SLAMF1: variants seen among roughly 807,000 people sequenced by gnomAD.
The protein encoded by SLAMF1 is signaling lymphocytic activation molecule.
A neutral mutation model predicts 35.1 loss-of-function variants in SLAMF1; 18 were observed. That is an observed-to-expected ratio of 0.51 (90% CI 0.35 to 0.76). The LOEUF (loss-of-function observed/expected upper bound fraction) is 0.76. Ranked by LOEUF, SLAMF1 falls within the 30% of genes least tolerant of loss-of-function variation. The pLI is 0.01. For synonymous variants in SLAMF1, 168 were observed against 157.2 expected, an observed-to-expected ratio of 1.07 and a Z score of -0.51; for missense variants, 392 against 413.0, an observed-to-expected ratio of 0.95 and a Z score of 0.44.
rs749358521 is a variant in SLAMF1 at position 160,637,170 on chromosome 1, TG to T, written c.415+20del. On this transcript the variant is annotated intron_variant, in intron 2 of 6. Coordinates refer to ENST00000302035, the MANE Select transcript of SLAMF1 (RefSeq NM_003037.5). ...AGCACCTTGGCCCTTTAGTGTGGAC[TG>T]GGGAAGCCGCCATTATTACCATAAA... 4 of 1,587,320 alleles carry T rather than the reference TG, an allele frequency of 2.5e-6. No homozygotes were observed. The East Asian group carries it at 8.9e-5, about 35-fold the overall frequency.
At chr1:160,640,540 G>A (rs1342374583) in intron 1 of SLAMF1, among the ~76,000 whole-genome samples, 1 of 151,910 alleles carries the variant, frequency 6.6e-6, no homozygotes, top group Non-Finnish European at 1.5e-5. Flanking sequence ...AGAACCATCA[G>A]CTTAAGTAAT....
In SLAMF1 at chr1:160,610,083, G is replaced by A; in HGVS notation, c.*665C>T. ...GCTCTTACATGGTTTCCAGTCCACT[G>A]TTCAAAACTCAGAGATCTCAAAATC... On this transcript the variant is annotated 3_prime_UTR_variant, in exon 7 of 7. Transcript: ENST00000302035. 3.0e-6 allele frequency: 1 copy of A among 334,972 alleles called. No homozygotes were observed. The highest frequency in any genetic ancestry group is 5.8e-6 in the Non-Finnish European group (1 of 171,106). The allele number at this position is 334,972 out of a possible 1,614,324, so 20.7% of individuals were successfully genotyped here.
chr1:160,626,658 C>T (rs891870536), intron 3 of SLAMF1, among the ~76,000 whole-genome samples: 2 of 152,110 alleles, frequency 1.3e-5, no homozygotes, highest in Admixed American at 6.6e-5. Flanking sequence ...AGTGGCAGAG[C>T]TGGATAAGAT....
At position 160,616,601 on chromosome 1, in the gene SLAMF1, G is replaced by T. The variant is rs540009912; in HGVS notation, c.864+3175C>A. Among the ~76,000 whole-genome samples, 6 of 152,328 alleles carry T rather than the reference G, an allele frequency of 3.9e-5. No homozygotes were observed. In the South Asian group the frequency reaches 1.2e-3, roughly 32 times the overall value. On this transcript the variant is annotated intron_variant, in intron 5 of 6. Transcript: ENST00000302035. ...AAGCTACAGATGGGTGAAGGTATTT[G>T]CTAACATATCTGCCAAAGGGCACAT...
At chr1:160,634,207 GGTA>G (rs1660307447) in intron 3 of SLAMF1, 1 of 152,796 alleles carries the variant, frequency 6.5e-6, no homozygotes, top group South Asian at 2.1e-4. Flanking sequence ...TTTCTTACCA[GGTA>G]GGTGATCAGT....
Position 160,637,273 on chromosome 1 carries a change from C to T in SLAMF1, c.333G>A (p.Arg111=). 1.2e-6 allele frequency: 2 copies of T among 1,614,100 alleles called. No homozygotes were observed. Among genetic ancestry groups the T allele is most frequent in the Non-Finnish European group, 8.5e-7 (1 of 1,180,004 alleles). ...TAAGGTACCATCCCTCATCCTCCTT[C>T]CTGCTTTCCCGTATCCCCAGGGTGA... The part of the protein sequence containing the change: ...ENLTLGIRES[R]KEDEGWYLMT... Residue 111 remains arginine (R), a synonymous_variant, in exon 2 of 7, where the codon AGG becomes AGA. Coordinates refer to ENST00000302035, the MANE Select transcript of SLAMF1 (RefSeq NM_003037.5).
intron 5 of SLAMF1, among the ~76,000 whole-genome samples, chr1:160,617,998 A>G (rs533330160): frequency 7.1e-4 from 108 of 152,250 alleles, no homozygotes; most frequent in African/African-American, 2.5e-3. Context: ...ACTTGAACCC[A>G]GGAGGCGGAG....
intron 3 of SLAMF1, among the ~76,000 whole-genome samples, chr1:160,632,351 G>A (rs1660207621): frequency 6.6e-6 from 1 of 152,010 alleles, no homozygotes; most frequent in Non-Finnish European, 1.5e-5. Context: ...CTTACAAACC[G>A]AGCCGAGATC....
Position 160,610,234 on chromosome 1 carries a change from T to C in SLAMF1, c.*514A>G, listed in dbSNP as rs1416026823. 4.4e-6 allele frequency: 2 copies of C among 454,380 alleles called. No individual in the cohort carries two copies. Among genetic ancestry groups the C allele is most frequent in the Non-Finnish European group, 8.8e-6 (2 of 226,166 alleles). 28.1% of individuals were successfully genotyped at this position (454,380 alleles called of 1,614,324 possible). A position where few individuals can be genotyped will look rare whatever the true frequency, so the allele number is the denominator to read the frequency against. ...AAGAAATTCACCCTTCAGCCTCTAT[T>C]CACTCTTTATCCTGAGAGAGAAACT... On this transcript the variant is annotated 3_prime_UTR_variant, in exon 7 of 7. Transcript: ENST00000302035.
intron 3 of SLAMF1, among the ~76,000 whole-genome samples, chr1:160,624,548 T>C (rs1300182582): frequency 6.6e-6 from 1 of 152,244 alleles, no homozygotes; most frequent in Admixed American, 6.5e-5. Flanking sequence ...TGTATCCATT[T>C]TGGGTAAAGA....
At chr1:160,612,280 G>T (rs575677353) in intron 6 of SLAMF1, among the ~76,000 whole-genome samples, 1 of 150,372 alleles carries the variant, frequency 6.7e-6, no homozygotes, top group Non-Finnish European at 1.5e-5. Context: ...AAGTTCAGGC[G>T]TACATGTGCT....
At chr1:160,635,351 G>A (rs370533341) in intron 2 of SLAMF1, among the ~76,000 whole-genome samples, 121 of 151,990 alleles carry the variant, frequency 8.0e-4, no homozygotes, top group Non-Finnish European at 1.3e-3. Context: ...GTGTGCGTGC[G>A]CGCGCGCGCA....
rs940334152 is a variant in SLAMF1, at chr1:160,642,622, T to C, written c.76+4248A>G. Among the ~76,000 whole-genome samples, 2 of 152,172 alleles carry C rather than the reference T, an allele frequency of 1.3e-5. No homozygotes were observed. The highest frequency in any genetic ancestry group is 4.8e-5 in the African/African-American group (2 of 41,430). ...AGTGAATTAATAAAACAGAATGGGATGAATGAAAAATGAGCAAATGACAAC... is the reference window on the plus strand; with the variant it reads ...AGTGAATTAATAAAACAGAATGGGACGAATGAAAAATGAGCAAATGACAAC... On this transcript the variant is annotated intron_variant, in intron 1 of 6. Transcript: ENST00000302035. This position sits in a 1 kb window ranked among gnomAD's most constrained non-coding sequence, Gnocchi z 4.2.
At chr1:160,641,214 G>A (rs1291953997) in intron 1 of SLAMF1, among the ~76,000 whole-genome samples, 1 of 152,122 alleles carries the variant, frequency 6.6e-6, no homozygotes, top group Non-Finnish European at 1.5e-5. Flanking sequence ...AAAGGGATCT[G>A]AGATTCAAAA....
chr1:160,634,376 G>A (rs1571000088), intron 3 of SLAMF1: 1 of 983,826 alleles, frequency 1.0e-6, no homozygotes, highest in African/African-American at 1.7e-5. Context: ...TTAGGCTCTG[G>A]GTCTGTCTCT....
chr1:160,610,538 C>G lies in SLAMF1; in HGVS notation c.*210G>C. 1.7e-6 allele frequency: 1 copy of G among 587,656 alleles called. No homozygotes were observed. Among genetic ancestry groups the G allele is most frequent in the Non-Finnish European group, 3.1e-6 (1 of 323,444 alleles). 36.4% of individuals were successfully genotyped at this position (587,656 alleles called of 1,614,324 possible). ...TAACGCTCTGTTCTGCGCCTGCAGC[C>G]ACTGCACAGCAAGCTAAATTCTTGG... is the stretch of plus-strand genomic sequence containing the variant. On this transcript the variant is annotated 3_prime_UTR_variant, in exon 7 of 7. Transcript: ENST00000302035.
intron 2 of SLAMF1, among the ~76,000 whole-genome samples, chr1:160,636,443 G>A (rs2102343776): frequency 6.6e-6 from 1 of 152,344 alleles, no homozygotes; most frequent in East Asian, 1.9e-4. Flanking sequence ...AAAGCCCCAT[G>A]TGGCTATCAG....
intron 5 of SLAMF1, chr1:160,615,782 GA>G: frequency 3.4e-6 from 1 of 295,880 alleles, no homozygotes; most frequent in Non-Finnish European, 6.9e-6. Context: ...ATAAGAGATG[GA>G]AAAGAAGAAG....
intron 1 of SLAMF1, among the ~76,000 whole-genome samples, chr1:160,645,550 T>C (rs1234420035): frequency 1.3e-5 from 2 of 152,106 alleles, no homozygotes; most frequent in African/African-American, 2.4e-5. Context: ...GATGGAAAAG[T>C]CCAGTTCACA....
Sources: allele counts gnomAD v4.1 joint callset (sites outside exome capture counted in the v4.1 genomes callset), GRCh38; gene constraint gnomAD v4.1.1; non-coding constraint Gnocchi (gnomAD v3.1); transcripts MANE v1.5; gene names NCBI Gene and HGNC (gene_info 2026-07-23, HGNC 2026-07-21).